The following ATP2A3 variants were observed in gnomAD, a reference collection of about 807,000 sequenced individuals.
ATP2A3 encodes the protein ATPase sarcoplasmic/endoplasmic reticulum Ca2+ transporting 3.
ATP2A3 carries 61 observed loss-of-function variants against 106.8 expected under a neutral mutation model. The ratio of observed to expected loss-of-function variants is 0.57; its 90% CI spans 0.46 to 0.71. The LOEUF is 0.71. ATP2A3 is among the 30% of genes least tolerant of loss of function. The pLI, the probability that ATP2A3 is intolerant of heterozygous loss-of-function variation, is 0.00. For missense variants in ATP2A3, 1,201 were observed against 1,423.5 expected, an observed-to-expected ratio of 0.84 and a Z score of 2.52; for synonymous variants, 611 against 609.3, an observed-to-expected ratio of 1.00 and a Z score of -0.04.
chr17:3,951,332 T>C lies in ATP2A3; in HGVS notation c.382A>G (p.Lys128Glu), dbSNP rs752821434. Residue 128 changes from lysine to glutamate, a missense_variant, in exon 5 of 21, where the codon AAG (lysine) becomes GAG (glutamate). Physicochemically the swap from Lys to Glu is moderately conservative, Grantham distance 56. This residue lies in a region of ATP2A3 where 266 missense variants were observed against 246.8 expected (regional missense o/e 1.08). Transcript: ENST00000397041. ...CCCTTGCGGTCCGAGCGGATCACCT[T>C]GCCCATCTCAGGCTCATACTCCTTC... is the stretch of plus-strand genomic sequence containing the variant. ...ALKEYEPEMG[K>E]VIRSDRKGVQ... 5 of 1,613,686 alleles carry C rather than the reference T, an allele frequency of 3.1e-6. No homozygotes were observed. The highest frequency in any genetic ancestry group is 4.2e-6 in the Non-Finnish European group (5 of 1,179,970).
chr17:3,925,616 C>T lies in ATP2A3; in HGVS notation c.2981-175G>A, dbSNP rs1232644079. Among the ~76,000 whole-genome samples the T allele has an allele frequency of 2.0e-5, 3 of 149,866 alleles. No homozygotes were observed. Among genetic ancestry groups the T allele is most frequent in the Non-Finnish European group, 4.4e-5 (3 of 67,462 alleles). On this transcript the variant is annotated intron_variant, in intron 20 of 20. Coordinates refer to ENST00000397041, the MANE Select transcript of ATP2A3 (RefSeq NM_005173.4). The surrounding 1 kb of genome is among the most constrained non-coding windows in gnomAD (Gnocchi z 4.2). ...CCCCACCGGACCCCCCAAGCTGCAT[C>T]CAGGATCCATCCCCGCAACGTCCCC... is the stretch of plus-strand genomic sequence containing the variant.
intron 1 of ATP2A3, among the ~76,000 whole-genome samples, chr17:3,958,757 T>C (rs1427382270): frequency 1.4e-5 from 2 of 145,178 alleles, no homozygotes; most frequent in African/African-American, 2.6e-5. Flanking sequence ...CACATATATA[T>C]ACACACACAT....
At position 3,926,770 on chromosome 17, in the gene ATP2A3, A is replaced by G. The variant is rs2052727673; in HGVS notation, c.2981-1329T>C. 3.3e-5 allele frequency: 25 copies of G among 766,164 alleles called. No homozygotes were observed. Among genetic ancestry groups the G allele is most frequent in the Non-Finnish European group, 4.0e-5 (25 of 629,928 alleles). The allele number at this position is 766,164 out of a possible 1,614,324, so 47.5% of individuals were successfully genotyped here. On this transcript the variant is annotated intron_variant, in intron 20 of 20. Transcript: ENST00000397041. The surrounding 1 kb of genome is among the most constrained non-coding windows in gnomAD (Gnocchi z 4.6). ...TCTTTAGTAGAGATGGGGTTTCACC[A>G]TGTTGGCCAGGCTGGTCTCTAACTC...
chr17:3,931,742 A>G lies in ATP2A3; in HGVS notation c.2611-1308T>C, dbSNP rs371654112. Among the ~76,000 whole-genome samples, 271 of 152,182 alleles carry G rather than the reference A, an allele frequency of 1.8e-3. 8 individuals carry two copies. The East Asian group carries it at 0.046, about 26-fold the overall frequency. ...TTCACCGTGTTAGCCAGGATGGTCTAGAACTCCTGACCTCGTGATCCGCCC... is the reference window on the plus strand; with the variant it reads ...TTCACCGTGTTAGCCAGGATGGTCTGGAACTCCTGACCTCGTGATCCGCCC... On this transcript the variant is annotated intron_variant, in intron 17 of 20. Transcript: ENST00000397041.
intron 14 of ATP2A3, 134 bp from the exon 15 acceptor site, chr17:3,937,770 G>T: frequency 1.1e-6 from 1 of 927,166 alleles, no homozygotes; most frequent in Non-Finnish European, 1.7e-6. Flanking sequence ...CAAATGGTGG[G>T]TTCAAGAATG....
rs754650398 is a variant in ATP2A3, at chr17:3,950,581, A to T, written c.560T>A (p.Val187Glu). The T allele has an allele frequency of 2.5e-6, 4 of 1,614,114 alleles. No homozygotes were observed. The Admixed American group carries it at 6.7e-5, about 27-fold the overall frequency. ...TGGGATGGCCTCTGTGTGCTTGGTC[A>T]CGGACACAGATTCACCTGGTCAGGG... is the stretch of plus-strand genomic sequence containing the variant. ...QSILTGESVSVTKHTEAIPDP... is the reference protein window; with the variant it reads ...QSILTGESVSETKHTEAIPDP... Residue 187 changes from valine to glutamate, a missense_variant, in exon 7 of 21, where the codon GTG becomes GAG. Transcript: ENST00000397041.
intron 17 of ATP2A3, among the ~76,000 whole-genome samples, chr17:3,934,674 C>T (rs2053322497): frequency 1.3e-5 from 2 of 152,014 alleles, no homozygotes; most frequent in Non-Finnish European, 2.9e-5. Context: ...CAGGCGTGCA[C>T]CACCACGCCC....
In ATP2A3 at chr17:3,929,539, C is replaced by A. The variant is rs1033587777; in HGVS notation, c.2745-94G>T. 6.5e-6 allele frequency: 7 copies of A among 1,084,030 alleles called. No individual in the cohort carries two copies. Among genetic ancestry groups the A allele is most frequent in the African/African-American group, 6.3e-5 (4 of 63,660 alleles). 67.2% of individuals were successfully genotyped at this position (1,084,030 alleles called of 1,614,324 possible). A position where few individuals can be genotyped will look rare whatever the true frequency, so the allele number is the denominator to read the frequency against. Reference sequence around the variant, plus strand: ...GGGAGGAGCCTCACCACTTCTCTAGCGGTGCATTGCTGTTGCCCGCTCGGC... The same window carrying A: ...GGGAGGAGCCTCACCACTTCTCTAGAGGTGCATTGCTGTTGCCCGCTCGGC... On this transcript the variant is annotated intron_variant, in intron 18 of 20. Coordinates refer to ENST00000397041, the MANE Select transcript of ATP2A3 (RefSeq NM_005173.4). This position sits in a 1 kb window ranked among gnomAD's most constrained non-coding sequence, Gnocchi z 4.3.
chr17:3,959,387 G>A (rs1217890787), intron 1 of ATP2A3, among the ~76,000 whole-genome samples: 1 of 152,174 alleles, frequency 6.6e-6, no homozygotes, highest in Non-Finnish European at 1.5e-5. Context: ...GGGTGGGGCG[G>A]GGCTGAGTCA....
In ATP2A3 at chr17:3,953,258, C is replaced by T. The variant is rs1355721889; in HGVS notation, c.219+89G>A. 1.4e-6 allele frequency: 2 copies of T among 1,436,384 alleles called. No individual in the cohort carries two copies. Among genetic ancestry groups the T allele is most frequent in the African/African-American group, 2.8e-5 (2 of 71,186 alleles). The allele number at this position is 1,436,384 out of a possible 1,614,324, so 89.0% of individuals were successfully genotyped here. A position where few individuals can be genotyped will look rare whatever the true frequency, so the allele number is the denominator to read the frequency against. ...AGGCCCAGGGTGTGGAGGACAGGCC[C>T]AGGCTCCAGGACCTCGGAGCACTGC... On this transcript the variant is annotated intron_variant, in intron 3 of 20. Transcript: ENST00000397041. The surrounding 1 kb of genome is among the most constrained non-coding windows in gnomAD (Gnocchi z 5.1).
intron 10 of ATP2A3, 89 bp downstream of exon 10, chr17:3,944,615 C>A (rs2053981443): frequency 7.1e-7 from 1 of 1,401,216 alleles, no homozygotes; most frequent in Non-Finnish European, 9.9e-7. Context: ...GGAGCAAGGG[C>A]TGCCAACCCT....
rs2074991 is a variant in ATP2A3, at chr17:3,935,332, T to A, written c.2525-55A>T. 2.6e-6 allele frequency: 4 copies of A among 1,513,808 alleles called. No homozygotes were observed. The African/African-American group carries it at 4.1e-5, about 16-fold the overall frequency. 93.8% of individuals were successfully genotyped at this position (1,513,808 alleles called of 1,614,324 possible). On this transcript the variant is annotated intron_variant, in intron 16 of 20. Transcript: ENST00000397041. ...AGAATGGCGGTGGTTTTCTGGCGTC[T>A]GTTTCCCCTGCCTAATAATTCCCTG...
In ATP2A3 at chr17:3,951,385, C is replaced by T. The variant is rs201218716; in HGVS notation, c.329G>A (p.Arg110His). 1.6e-4 allele frequency: 252 copies of T among 1,613,684 alleles called. 2 individuals are homozygous for T. The Middle Eastern group carries it at 5.9e-3, about 38-fold the overall frequency. ...GGCCTCGATGGCACTCTCGGCGTTG[C>T]GTTCCTGCAGAATAGAAGGCCGGCA... ...ANAIVGVWQE[R>H]NAESAIEALK... is the part of the protein sequence containing the mutation. Residue 110 changes from arginine to histidine, a missense_variant, in exon 5 of 21, where the codon CGC (arginine) becomes CAC (histidine). Physicochemically the swap from Arg to His is conservative, Grantham distance 29 (BLOSUM62 0). Transcript: ENST00000397041.
At chr17:3,964,145 C>CCCCGG (rs1167990951) in intron 1 of ATP2A3, 29 bp downstream of exon 1, 22 of 1,105,966 alleles carry the variant, frequency 2.0e-5, no homozygotes, top group Non-Finnish European at 2.2e-5. Context: ...GGCCCCCGCT[C>CCCCGG]CCCGGCCCGG....
In ATP2A3 at chr17:3,924,652, C is replaced by T; in HGVS notation, c.*770G>A. ...TGTGACTCTGAACATCTCCCGAGCTCAGGACGGGGAACCCTGAGTCCAGGA... is the reference window on the plus strand; with the variant it reads ...TGTGACTCTGAACATCTCCCGAGCTTAGGACGGGGAACCCTGAGTCCAGGA... On this transcript the variant is annotated 3_prime_UTR_variant, in exon 21 of 21. Coordinates refer to ENST00000397041, the MANE Select transcript of ATP2A3 (RefSeq NM_005173.4). This position sits in a 1 kb window ranked among gnomAD's most constrained non-coding sequence, Gnocchi z 6.4. 3 of 366,032 alleles carry T rather than the reference C, an allele frequency of 8.2e-6. No individual in the cohort carries two copies. The highest frequency in any genetic ancestry group is 1.7e-5 in the Non-Finnish European group (3 of 180,980). 22.7% of individuals were successfully genotyped at this position (366,032 alleles called of 1,614,324 possible). A position where few individuals can be genotyped will look rare whatever the true frequency, so the allele number is the denominator to read the frequency against.
chr17:3,964,212 G>A lies in ATP2A3; in HGVS notation c.80C>T (p.Ala27Val), dbSNP rs1301399394. 1.0e-5 allele frequency: 13 copies of A among 1,266,224 alleles called. No homozygotes were observed. The highest frequency in any genetic ancestry group is 1.1e-5 in the Non-Finnish European group (11 of 994,060). 78.4% of individuals were successfully genotyped at this position (1,266,224 alleles called of 1,614,324 possible). ...SVTAEGGLSP[A>V]QVTGARERYG... ...GCGCTCCCGCGCGCCGGTCACCTGC[G>A]CCGGGCTCAGGCCGCCCTCGGCTGT... Residue 27 changes from alanine to valine, a missense_variant, in exon 1 of 21, where the codon GCG (alanine) becomes GTG (valine). Physicochemically the swap from Ala to Val is moderately conservative, Grantham distance 64 (BLOSUM62 0). Transcript: ENST00000397041.
rs993470810 is a variant in ATP2A3 at position 3,945,040 on chromosome 17, T to C, written c.1184+20A>G. ...CGCCCCCAGGCCGCCCGCCCGCGCG[T>C]CCCCTGGCCCCGCACTCACACTTCG... is the stretch of plus-strand genomic sequence containing the variant. On this transcript the variant is annotated intron_variant, in intron 9 of 20. Coordinates refer to ENST00000397041, the MANE Select transcript of ATP2A3 (RefSeq NM_005173.4). 5 of 1,502,914 alleles carry C rather than the reference T, an allele frequency of 3.3e-6. No individual in the cohort carries two copies. The highest frequency in any genetic ancestry group is 1.5e-5 in the African/African-American group (1 of 68,622). 93.1% of individuals were successfully genotyped at this position (1,502,914 alleles called of 1,614,324 possible).
intron 8 of ATP2A3, among the ~76,000 whole-genome samples, chr17:3,946,381 G>A (rs980305230): frequency 8.6e-5 from 13 of 151,566 alleles, no homozygotes; most frequent in Non-Finnish European, 1.5e-4. Flanking sequence ...GTGAAACCCC[G>A]TCTCTACTAA....
Position 3,945,128 on chromosome 17 carries a change from G to T in ATP2A3, c.1116C>A (p.Ala372=). The change falls in exon 9 of 21, where the codon GCC becomes GCA. Residue 372 remains alanine, a synonymous_variant. Transcript: ENST00000397041. ...CGTGCAAAAGGCAGGAGCCCGCATC[G>T]GCCTCGGCTACCACGAACATCTGGG... The part of the protein sequence containing the change: ...SVCRMFVVAE[A]DAGSCLLHEF... 2 of 1,548,066 alleles carry T rather than the reference G, an allele frequency of 1.3e-6. No homozygotes were observed. Among genetic ancestry groups the T allele is most frequent in the Non-Finnish European group, 1.7e-6 (2 of 1,145,884 alleles).
Sources: gnomAD v4.1 joint callset for allele counts (sites outside exome capture counted in the v4.1 genomes callset) on GRCh38, gnomAD v4.1.1 for gene constraint, gnomAD v4.1.1 regional missense constraint, Gnocchi (gnomAD v3.1) non-coding constraint, MANE v1.5 for transcripts, NCBI Gene and HGNC (gene_info 2026-07-23, HGNC 2026-07-21) for gene names.